The following ADAM10 variants were observed in gnomAD, a reference collection of about 807,000 sequenced individuals.
The protein encoded by ADAM10 is disintegrin and metalloproteinase domain-containing protein 10.
Under a neutral mutation model 90.1 loss-of-function variants are expected in ADAM10, and 17 were observed. The ratio of observed to expected loss-of-function variants is 0.19; its 90% CI spans 0.13 to 0.28. ADAM10 has a LOEUF of 0.28. Ranked by LOEUF, ADAM10 falls within the 10% of genes least tolerant of loss-of-function variation. ADAM10 has a pLI of 1.00. For synonymous variants in ADAM10, 310 were observed against 298.6 expected (o/e 1.04, Z -0.40); for missense variants, 610 against 914.3 (o/e 0.67, Z 4.29).
chr15:58,602,789 T>C (rs1895149986), intron 14 of ADAM10, among the ~76,000 whole-genome samples: 1 of 152,168 alleles, frequency 6.6e-6, no homozygotes, highest in South Asian at 2.1e-4. Flanking sequence ...TATTGTTCAA[T>C]CTGTAAAAAC....
intron 2 of ADAM10, chr15:58,686,326 C>A: frequency 1.6e-6 from 1 of 620,748 alleles, no homozygotes; most frequent in Non-Finnish European, 2.8e-6. Context: ...TAGGAACAAA[C>A]TATTCCTAGA....
chr15:58,692,011 A>G (rs1157740431), intron 2 of ADAM10: 1 of 458,888 alleles, frequency 2.2e-6, no homozygotes. Context: ...AATGACTTCC[A>G]AGATTTTGCT....
intron 2 of ADAM10, among the ~76,000 whole-genome samples, chr15:58,689,266 G>A (rs1897704980): frequency 6.6e-6 from 1 of 152,142 alleles, no homozygotes; most frequent in Non-Finnish European, 1.5e-5. Context: ...TGGGCAGATT[G>A]CCTTAGCTTA....
chr15:58,731,439 C>G (rs1289931737), intron 1 of ADAM10, among the ~76,000 whole-genome samples: 2 of 151,808 alleles, frequency 1.3e-5, no homozygotes, highest in African/African-American at 4.8e-5. Context: ...GGCAACATAG[C>G]AAAGCCCCGT....
chr15:58,695,916 A>G (rs1897965652), intron 2 of ADAM10, among the ~76,000 whole-genome samples: 1 of 152,138 alleles, frequency 6.6e-6, no homozygotes, highest in South Asian at 2.1e-4. Flanking sequence ...CAGGAGTTCA[A>G]GACCAGCCTG....
At chr15:58,694,865 G>A (rs1351679795) in intron 2 of ADAM10, among the ~76,000 whole-genome samples, 1 of 152,094 alleles carries the variant, frequency 6.6e-6, no homozygotes. Context: ...AGTAGTGACA[G>A]GAAGCAAATC....
chr15:58,606,500 T>C (rs1440308899), intron 14 of ADAM10, among the ~76,000 whole-genome samples: 1 of 152,244 alleles, frequency 6.6e-6, no homozygotes, highest in African/African-American at 2.4e-5. Flanking sequence ...AGCAAATGTA[T>C]ACTGTGTCCT....
intron 14 of ADAM10, 27 bp from the exon 15 acceptor site, chr15:58,599,751 A>G (rs201142151): frequency 2.9e-6 from 1 of 346,308 alleles, no homozygotes; most frequent in Non-Finnish European, 3.4e-6. Context: ...TTTTCCACTG[A>G]AAAAAAAAAA....
intron 5 of ADAM10, among the ~76,000 whole-genome samples, chr15:58,664,053 C>G (rs1263913250): frequency 6.6e-6 from 1 of 152,052 alleles, no homozygotes; most frequent in Non-Finnish European, 1.5e-5. Context: ...CTCTTAAACT[C>G]TACCCTCATG....
chr15:58,716,069 AAAG>A (rs1898649126), intron 2 of ADAM10, among the ~76,000 whole-genome samples: 1 of 152,246 alleles, frequency 6.6e-6, no homozygotes, highest in Non-Finnish European at 1.5e-5. Context: ...TCCTTCAGAT[AAAG>A]AAGATTTTAT....
In ADAM10 at chr15:58,594,612, G is replaced by C. The variant is rs1207611741; in HGVS notation, c.*2935C>G. 6.6e-6 allele frequency: 1 copy of C among 152,164 alleles called. No individual in the cohort carries two copies. The highest frequency in any genetic ancestry group is 1.9e-4 in the East Asian group (1 of 5,198). 9.4% of individuals were successfully genotyped at this position (152,164 alleles called of 1,614,324 possible). Reference sequence around the variant, plus strand: ...GACACTACAGGGAATGCTAAATCCAGAAGCAGTCAATAAATTTATTTTATT... The same window carrying C: ...GACACTACAGGGAATGCTAAATCCACAAGCAGTCAATAAATTTATTTTATT... On this transcript the variant is annotated 3_prime_UTR_variant, in exon 16 of 16. Transcript: ENST00000260408.
chr15:58,732,379 C>T (rs906716859), intron 1 of ADAM10: 4 of 152,138 alleles, frequency 2.6e-5, no homozygotes. Context: ...TTTGGCTCCA[C>T]CTCCAACCCT....
intron 1 of ADAM10, among the ~76,000 whole-genome samples, chr15:58,739,550 C>A (rs596309): frequency 1 from 151,570 of 152,030 alleles, 75,557 homozygotes; most frequent in Middle Eastern, 1. Context: ...TAAATATTTT[C>A]AAAAAATAAA....
chr15:58,631,588 A>G (rs1896101980), intron 9 of ADAM10, among the ~76,000 whole-genome samples: 1 of 152,136 alleles, frequency 6.6e-6, no homozygotes, highest in South Asian at 2.1e-4. Flanking sequence ...ACCTACTAAA[A>G]AAGAATCTGT....
chr15:58,725,082 G>A (rs1197178100), intron 1 of ADAM10, among the ~76,000 whole-genome samples: 6 of 152,120 alleles, frequency 3.9e-5, no homozygotes, highest in Admixed American at 1.3e-4. Flanking sequence ...CCAGCTACTC[G>A]AGAGGCTGAG....
chr15:58,634,443 C>T (rs1412246218), intron 8 of ADAM10, among the ~76,000 whole-genome samples: 1 of 152,076 alleles, frequency 6.6e-6, no homozygotes, highest in Non-Finnish European at 1.5e-5. Flanking sequence ...AAAAGAAAAA[C>T]CATATTTCCA....
intron 4 of ADAM10, among the ~76,000 whole-genome samples, chr15:58,672,122 G>A (rs1265384471): frequency 6.6e-6 from 1 of 152,104 alleles, no homozygotes; most frequent in Non-Finnish European, 1.5e-5. Flanking sequence ...AATTTTACTT[G>A]TTAGGGTGAC....
In ADAM10 at chr15:58,592,617, G is replaced by C. The variant is rs1894846178; in HGVS notation, c.*4930C>G. 1 of 151,960 alleles carries C rather than the reference G, an allele frequency of 6.6e-6. No homozygotes were observed. 9.4% of individuals were successfully genotyped at this position (151,960 alleles called of 1,614,324 possible). On this transcript the variant is annotated 3_prime_UTR_variant, in exon 16 of 16. Coordinates refer to ENST00000260408, the MANE Select transcript of ADAM10 (RefSeq NM_001110.4). The stretch of plus-strand genomic sequence containing the variant: ...AATGGTACTTAAGAGACCACAATTA[G>C]GGCACTCAATTTGACTTGCATTTGA...
intron 7 of ADAM10, 69 bp downstream of exon 7, chr15:58,643,815 TTG>T (rs1350926043): frequency 1.0e-4 from 116 of 1,157,760 alleles, no homozygotes; most frequent in Non-Finnish European, 1.4e-4. Context: ...AAGCAAGCTT[TTG>T]TGTGTGTGTG....
Sources: allele counts gnomAD v4.1 joint callset (sites outside exome capture counted in the v4.1 genomes callset), GRCh38; gene constraint gnomAD v4.1.1; transcripts MANE v1.5; gene names NCBI Gene and HGNC (gene_info 2026-07-23, HGNC 2026-07-21).